The following UGGT2 variants were observed in gnomAD, a reference collection of about 807,000 sequenced individuals.
UGGT2 encodes the protein UDP-glucose:glycoprotein glucosyltransferase 2.
A neutral mutation model predicts 192.1 loss-of-function variants in UGGT2; 180 were observed. The ratio of observed to expected loss-of-function variants is 0.94; its 90% CI spans 0.83 to 1.06. UGGT2 has a LOEUF of 1.06. UGGT2 is among the 50% of genes least tolerant of loss of function. UGGT2 has a pLI of 0.00. For missense variants in UGGT2, 1,849 were observed against 1,795.7 expected, an observed-to-expected ratio of 1.03 and a Z score of -0.54; for synonymous variants, 580 against 591.0, an observed-to-expected ratio of 0.98 and a Z score of 0.27.
At chr13:95,890,053 T>C (rs2047756593) in intron 25 of UGGT2, among the ~76,000 whole-genome samples, 1 of 152,198 alleles carries the variant, frequency 6.6e-6, no homozygotes, top group Non-Finnish European at 1.5e-5. Context: ...GACCAGGAGA[T>C]GAAAGAAAGA....
chr13:95,934,241 T>A (rs1195279551), intron 17 of UGGT2, among the ~76,000 whole-genome samples: 8 of 152,216 alleles, frequency 5.3e-5, no homozygotes, highest in African/African-American at 1.9e-4. Flanking sequence ...CTGGTATGAT[T>A]CTGACTTTAA....
intron 6 of UGGT2, among the ~76,000 whole-genome samples, chr13:95,997,819 T>C (rs1181365784): frequency 6.6e-6 from 1 of 152,098 alleles, no homozygotes; most frequent in African/African-American, 2.4e-5. Flanking sequence ...AAATAGTAAG[T>C]AGTTTAGTGT....
chr13:95,967,061 T>A (rs757954028), intron 12 of UGGT2, among the ~76,000 whole-genome samples: 2 of 152,196 alleles, frequency 1.3e-5, no homozygotes, highest in African/African-American at 4.8e-5. Flanking sequence ...GCCACAAAGC[T>A]TTTTTTCCAT....
chr13:96,032,388 A>C (rs1242254369), intron 1 of UGGT2, among the ~76,000 whole-genome samples: 2 of 152,138 alleles, frequency 1.3e-5, no homozygotes, highest in Non-Finnish European at 2.9e-5. Context: ...TGGTTCTATA[A>C]ATATTTTATA....
chr13:95,966,068 A>G (rs951368793), intron 12 of UGGT2, among the ~76,000 whole-genome samples: 1 of 152,208 alleles, frequency 6.6e-6, no homozygotes, highest in Non-Finnish European at 1.5e-5. Flanking sequence ...AAAGAAACCA[A>G]CATCTCAAAG....
At position 96,023,129 on chromosome 13, in the gene UGGT2, T is replaced by C. The variant is rs1333564282; in HGVS notation, c.396A>G (p.Pro132=). 2 of 1,591,890 alleles carry C rather than the reference T, an allele frequency of 1.3e-6. No individual in the cohort carries two copies. The highest frequency in any genetic ancestry group is 1.7e-5 in the Admixed American group (1 of 58,334). ...TAACCACAAATGCATTACAACCATC[T>C]GGTGGTGGCTCATCAGCTGCAATCT... The part of the protein sequence containing the change: ...FQQIAADEPP[P]DGCNAFVVIH... Residue 132 remains proline (P), a synonymous_variant, in exon 4 of 39, where the codon CCA becomes CCG. Transcript: ENST00000376747.
intron 20 of UGGT2, among the ~76,000 whole-genome samples, chr13:95,915,196 C>T (rs899599946): frequency 2.0e-5 from 3 of 152,102 alleles, no homozygotes; most frequent in Non-Finnish European, 4.4e-5. Context: ...TTGTTAATTC[C>T]CTCAATTCCT....
chr13:95,926,527 A>G (rs182496652), intron 19 of UGGT2, among the ~76,000 whole-genome samples: 16 of 152,306 alleles, frequency 1.1e-4, no homozygotes, highest in Admixed American at 9.8e-4. Context: ...TTCGAATTAT[A>G]TTCATCTATC....
At chr13:95,854,592 C>T (rs192475711) in intron 34 of UGGT2, 117 bp from the exon 35 acceptor site, 11 of 846,318 alleles carry the variant, frequency 1.3e-5, no homozygotes, top group Middle Eastern at 3.6e-4. Context: ...GTATTGTCCT[C>T]ACAGTGCTTT....
At chr13:96,005,326 G>A (rs1047656392) in intron 5 of UGGT2, among the ~76,000 whole-genome samples, 2 of 152,120 alleles carry the variant, frequency 1.3e-5, no homozygotes, top group African/African-American at 2.4e-5. Context: ...CTTGCTAAAG[G>A]CTAAATGTGG....
rs756196456 is a variant in UGGT2, at chr13:95,853,645, T to A, written c.4182A>T (p.Val1394=). 1 of 1,575,408 alleles carries A rather than the reference T, an allele frequency of 6.3e-7. No homozygotes were observed. The highest frequency in any genetic ancestry group is 1.4e-5 in the African/African-American group (1 of 72,580). Reference sequence around the variant, plus strand: ...TTCTCCTGAACTTCTTGAGATCCACTACATATAAAGCACTGCAAAAATGAA... The same window carrying A: ...TTCTCCTGAACTTCTTGAGATCCACAACATATAAAGCACTGCAAAAATGAA... ...RRKYHISALY[V]VDLKKFRRIG... is the part of the protein sequence containing the mutation. The change falls in exon 36 of 39, where the codon GTA becomes GTT. Residue 1394 remains valine, a synonymous_variant. Transcript: ENST00000376747.
rs191434894 is a variant in UGGT2, at chr13:95,906,228, G to C, written c.2296-3168C>G. Among the ~76,000 whole-genome samples the C allele has an allele frequency of 1.9e-3, 286 of 152,174 alleles. 1 individual carries two copies. The highest frequency in any genetic ancestry group is 2.6e-3 in the Non-Finnish European group (176 of 68,006). On this transcript the variant is annotated intron_variant, in intron 20 of 38. Transcript: ENST00000376747. ...GATATTTTTCATACTATTGTAAACG[G>C]TATATTTATTTAAACTGCATTTCTC...
intron 22 of UGGT2, among the ~76,000 whole-genome samples, chr13:95,898,927 C>A (rs2048024613): frequency 2.0e-5 from 3 of 152,112 alleles, no homozygotes; most frequent in Non-Finnish European, 4.4e-5. Flanking sequence ...TACAGCAGCA[C>A]AAAACAGATT....
At chr13:95,927,733 C>T (rs1002190002) in intron 17 of UGGT2, among the ~76,000 whole-genome samples, 35 of 151,914 alleles carry the variant, frequency 2.3e-4, no homozygotes, top group Admixed American at 1.6e-3. Context: ...GGCGGGGTCA[C>T]AGGACAATAG....
intron 20 of UGGT2, among the ~76,000 whole-genome samples, chr13:95,921,476 C>A (rs1279282635): frequency 1.3e-5 from 2 of 151,898 alleles, no homozygotes; most frequent in Non-Finnish European, 2.9e-5. Context: ...TAGAGATTCA[C>A]ACTGTGAATT....
At chr13:96,038,079 G>GTAAC (rs1197315898) in intron 1 of UGGT2, among the ~76,000 whole-genome samples, 1 of 152,192 alleles carries the variant, frequency 6.6e-6, no homozygotes, top group Non-Finnish European at 1.5e-5. Flanking sequence ...GGCACATGAG[G>GTAAC]TAACACTGAG....
chr13:95,820,275 A>C (rs975692317), intron 38 of UGGT2, among the ~76,000 whole-genome samples: 3 of 152,156 alleles, frequency 2.0e-5, no homozygotes. Flanking sequence ...GCCAAAACTG[A>C]CTCCAGAAGC....
At chr13:95,985,848 C>G (rs193125092) in intron 9 of UGGT2, among the ~76,000 whole-genome samples, 11 of 152,182 alleles carry the variant, frequency 7.2e-5, no homozygotes, top group Admixed American at 6.5e-4. Context: ...AGCAGTTCAA[C>G]GAGACATCCT....
At chr13:95,941,529 T>G (rs974300955) in intron 15 of UGGT2, among the ~76,000 whole-genome samples, 3 of 152,094 alleles carry the variant, frequency 2.0e-5, no homozygotes, top group Admixed American at 6.6e-5. Context: ...AAAACATAAA[T>G]GGAGATCACA....
Sources: gnomAD v4.1 joint callset for allele counts (sites outside exome capture counted in the v4.1 genomes callset) on GRCh38, gnomAD v4.1.1 for gene constraint, MANE v1.5 for transcripts, NCBI Gene and HGNC (gene_info 2026-07-23, HGNC 2026-07-21) for gene names.